The following RASSF3 variants were observed in gnomAD, a reference collection of about 807,000 sequenced individuals.
The protein encoded by RASSF3 is Ras association domain family member 3, also known as ras association domain-containing protein 3.
In RASSF3, 19 loss-of-function variants were observed where a neutral mutation model predicts 19.9. The ratio of observed to expected loss-of-function variants is 0.96; its 90% confidence interval spans 0.67 to 1.40. The LOEUF is 1.40. Ranked by LOEUF, RASSF3 falls within the 40% of genes most tolerant of loss-of-function variation. RASSF3 has a pLI of 0.00. For synonymous variants in RASSF3, 110 were observed against 104.2 expected, an observed-to-expected ratio of 1.06 and a Z score of -0.34; for missense variants, 306 against 289.8, an observed-to-expected ratio of 1.06 and a Z score of -0.41.
At chr12:64,669,619 T>C (rs182140538) in intron 1 of RASSF3, among the ~76,000 whole-genome samples, 69 of 152,194 alleles carry the variant, frequency 4.5e-4, no homozygotes, top group East Asian at 7.7e-4. Flanking sequence ...CCTTGTACTT[T>C]AGCACGTTTC....
At chr12:64,677,834 A>G (rs756835179) in intron 1 of RASSF3, among the ~76,000 whole-genome samples, 2 of 152,142 alleles carry the variant, frequency 1.3e-5, no homozygotes, top group Non-Finnish European at 2.9e-5. Context: ...ATTTTTCCCT[A>G]TTAGTCATAC....
chr12:64,633,066 G>GT (rs1347981305), intron 1 of RASSF3, among the ~76,000 whole-genome samples: 4 of 151,802 alleles, frequency 2.6e-5, no homozygotes, highest in Non-Finnish European at 4.4e-5. Flanking sequence ...GGCTCTATTT[G>GT]TTTTTTTTCC....
At chr12:64,550,658 A>G (rs1869142954) in intron 2 of RASSF3, among the ~76,000 whole-genome samples, 1 of 151,618 alleles carries the variant, frequency 6.6e-6, no homozygotes, top group South Asian at 2.1e-4. Flanking sequence ...CCGTCTCCAA[A>G]AAACGAAAAG....
chr12:64,607,348 TCTTC>T (rs1380469157), upstream of RASSF3, among the ~76,000 whole-genome samples: 1 of 137,544 alleles, frequency 7.3e-6, no homozygotes, highest in Non-Finnish European at 1.6e-5. Flanking sequence ...AAATCACAAT[TCTTC>T]CTTCCTTTAT....
intron 1 of RASSF3, among the ~76,000 whole-genome samples, chr12:64,652,345 C>T (rs1321757071): frequency 2.6e-5 from 4 of 151,990 alleles, no homozygotes; most frequent in Admixed American, 6.6e-5. Context: ...TCATGGCCAT[C>T]GCAGGTGTTT....
chr12:64,559,274 C>T (rs1869307347), intron 2 of RASSF3, among the ~76,000 whole-genome samples: 1 of 145,648 alleles, frequency 6.9e-6, no homozygotes, highest in African/African-American at 2.5e-5. Context: ...GGCGGAGTCT[C>T]ACACTGTCGT....
At chr12:64,664,948 T>G (rs1592455173) in intron 1 of RASSF3, among the ~76,000 whole-genome samples, 1 of 152,222 alleles carries the variant, frequency 6.6e-6, no homozygotes, top group African/African-American at 2.4e-5. Flanking sequence ...GTTCTCTATA[T>G]AGTATTCGTA....
downstream of RASSF3, among the ~76,000 whole-genome samples, chr12:64,544,192 G>A (rs1043147607): frequency 7.2e-5 from 11 of 151,886 alleles, no homozygotes; most frequent in African/African-American, 1.2e-4. Context: ...AACGCTCATC[G>A]CGAAGGTCTG....
chr12:64,553,976 CAAAA>C (rs1021865573), intron 2 of RASSF3, among the ~76,000 whole-genome samples: 4 of 83,494 alleles, frequency 4.8e-5, no homozygotes, highest in Admixed American at 1.6e-4. Flanking sequence ...GATCCTGTCT[CAAAA>C]AAAAAAAAAA....
chr12:64,507,382 G>A (rs1555206217), intron 1 of RASSF3: 1 of 398,190 alleles, frequency 2.5e-6, no homozygotes, highest in Non-Finnish European at 4.4e-6. Context: ...TTGTGTGTGT[G>A]TGTTACATTT....
chr12:64,584,487 A>T (rs1426747307), intron 2 of RASSF3, among the ~76,000 whole-genome samples: 7 of 147,624 alleles, frequency 4.7e-5, no homozygotes, highest in Non-Finnish European at 7.4e-5. Flanking sequence ...CCTTCTACAA[A>T]AGAGGTCCAG....
intron 1 of RASSF3, chr12:64,622,508 G>A: frequency 1.9e-6 from 1 of 530,908 alleles, no homozygotes; most frequent in South Asian, 1.4e-5. Flanking sequence ...AAAGGAATCG[G>A]CATTGGCATC....
At chr12:64,600,554 A>C (rs1219627186) in intron 2 of RASSF3, among the ~76,000 whole-genome samples, 1 of 152,140 alleles carries the variant, frequency 6.6e-6, no homozygotes, top group Non-Finnish European at 1.5e-5. Context: ...CCAAATGTTG[A>C]AGTTTGGATT....
intron 1 of RASSF3, among the ~76,000 whole-genome samples, chr12:64,634,536 C>G (rs1402151954): frequency 6.6e-6 from 1 of 151,940 alleles, no homozygotes; most frequent in Admixed American, 6.6e-5. Flanking sequence ...TTTCAAAAAG[C>G]AACAGTGATT....
intron 2 of RASSF3, among the ~76,000 whole-genome samples, chr12:64,597,397 T>C (rs771095316): frequency 1.3e-5 from 2 of 151,840 alleles, no homozygotes; most frequent in Non-Finnish European, 2.9e-5. Context: ...TCCCAAAATG[T>C]TGGGATTACA....
chr12:64,510,090 C>CA (rs67684990), intron 1 of RASSF3, among the ~76,000 whole-genome samples: 4,978 of 107,132 alleles, frequency 0.046, 241 homozygotes, highest in African/African-American at 0.13. Context: ...AACTCCATCT[C>CA]AAAAAAAAAA....
intron 2 of RASSF3, among the ~76,000 whole-genome samples, chr12:64,600,033 C>CAAAA (rs34515445): frequency 1.6e-3 from 104 of 63,938 alleles, no homozygotes; most frequent in African/African-American, 2.5e-3. Flanking sequence ...GACTCCATCT[C>CAAAA]AAAAAAAAAA....
At position 64,654,647 on chromosome 12, in the gene RASSF3, G is replaced by GTA. The variant is rs200994216; in HGVS notation, c.112-30140_112-30139insTA. The GTA allele has an allele frequency of 4.9e-5, 3 of 61,584 alleles. 1 individual carries two copies. The highest frequency in any genetic ancestry group is 1.6e-4 in the African/African-American group (2 of 12,806). 3.8% of individuals were successfully genotyped at this position (61,584 alleles called of 1,614,324 possible). ...TAGTGAGACCGTGTTTCTTTGCGGG[G>GTA]GGGGGGGGGTGGGGGGAAGCCAGCC... On this transcript the variant is annotated intron_variant, in intron 1 of 4. Transcript: ENST00000542104.
At chr12:64,611,627 C>G (rs1870369260) in intron 1 of RASSF3, 1 of 152,368 alleles carries the variant, frequency 6.6e-6, no homozygotes, top group Non-Finnish European at 1.5e-5. Flanking sequence ...AACCCGGCCA[C>G]GCTCACATCA....
Sources: allele counts gnomAD v4.1 joint callset (sites outside exome capture counted in the v4.1 genomes callset), GRCh38; gene constraint gnomAD v4.1.1; transcripts MANE v1.5; gene names NCBI Gene and HGNC (gene_info 2026-07-23, HGNC 2026-07-21).